Variants in GLB1 observed in about 807,000 individuals in gnomAD.
GLB1 encodes beta-galactosidase.
Under a neutral mutation model 74.0 loss-of-function variants are expected in GLB1, and 56 were observed. The observed-to-expected ratio is 0.76, with a 90% confidence interval of 0.61 to 0.94. The LOEUF (loss-of-function observed/expected upper bound fraction) is 0.94. Among genes scored for constraint, GLB1 ranks in the 40% least tolerant of loss-of-function variants. The pLI is 0.00. For synonymous variants in GLB1, 323 were observed against 323.6 expected, an observed-to-expected ratio of 1.00 and a Z score of 0.02; for missense variants, 787 against 845.5, an observed-to-expected ratio of 0.93 and a Z score of 0.86.
chr3:32,971,558 C>T, the GLB1 span, among the ~76,000 whole-genome samples: 1 of 152,228 alleles, frequency 6.6e-6, no homozygotes, highest in African/African-American at 2.4e-5. Flanking sequence ...GATAACTTCA[C>T]TTCGCCTAAC....
chr3:32,997,297 G>A lies in GLB1; in HGVS notation c.1782C>T (p.Ala594=). The A allele has an allele frequency of 6.2e-7, 1 of 1,614,100 alleles. No homozygotes were observed. The highest frequency in any genetic ancestry group is 8.5e-7 in the Non-Finnish European group (1 of 1,180,036). The change falls in exon 16 of 16, where the codon GCC becomes GCT. Residue 594 remains alanine, a synonymous_variant. Coordinates refer to ENST00000307363, the MANE Select transcript of GLB1 (RefSeq NM_000404.4). ...CAAACAAGGTCAACTGAGGGCCCCG[G>A]GCTGGCCAATAGCGGCCAAGGTTAA... The part of the protein sequence containing the change: ...NGFNLGRYWP[A]RGPQLTLFVP...
chr3:32,970,627 T>A, the GLB1 span, among the ~76,000 whole-genome samples: 1 of 152,144 alleles, frequency 6.6e-6, no homozygotes, highest in Non-Finnish European at 1.5e-5. Context: ...ATGTCTACTC[T>A]CACTGCTGTT....
chr3:33,059,244 TACACACACACAC>T lies in GLB1; in HGVS notation c.553-987_553-976del, dbSNP rs55785242. ...AATTATTCCTTATTTATATAAAACA[TACACACACACAC>T]ACACACACACACACACACACACACA... On this transcript the variant is annotated intron_variant, in intron 5 of 15. Transcript: ENST00000307363. Among the ~76,000 whole-genome samples, 619 of 144,456 alleles carry T rather than the reference TACACACACACAC, an allele frequency of 4.3e-3. 5 individuals carry two copies. The highest frequency in any genetic ancestry group is 0.019 in the East Asian group (97 of 5,082). 94.8% of individuals were successfully genotyped at this position (144,456 alleles called of 152,430 possible).
chr3:32,985,677 T>C, the GLB1 span, among the ~76,000 whole-genome samples: 8 of 152,056 alleles, frequency 5.3e-5, no homozygotes. Flanking sequence ...TCTTGATAAA[T>C]TGGAATTCTA....
chr3:33,034,292 A>C, intron 10 of GLB1: 1 of 720,152 alleles, frequency 1.4e-6, no homozygotes, highest in East Asian at 2.5e-5. Context: ...GGAAGTGAAA[A>C]AGATCAACAA....
intron 14 of GLB1, 134 bp from the exon 15 acceptor site, chr3:33,014,444 G>A: frequency 7.6e-7 from 1 of 1,316,610 alleles, no homozygotes; most frequent in Middle Eastern, 2.6e-4. Flanking sequence ...CGAAATATGT[G>A]TACATCGAAG....
At chr3:33,034,221 T>G in intron 10 of GLB1, 1 of 653,346 alleles carries the variant, frequency 1.5e-6, no homozygotes, top group Non-Finnish European at 2.8e-6. Context: ...GGCCTGATCC[T>G]GGCCTGTAGG....
the GLB1 span, among the ~76,000 whole-genome samples, chr3:32,990,325 C>G: frequency 6.6e-6 from 1 of 152,236 alleles, no homozygotes. Flanking sequence ...AGACTGGATT[C>G]AGCATGCTCA....
At chr3:33,021,763 T>A in intron 11 of GLB1, 108 bp from the exon 12 acceptor site, 1 of 1,192,196 alleles carries the variant, frequency 8.4e-7, no homozygotes. Context: ...ACCAAACCCC[T>A]AAATAAACCT....
At chr3:33,084,554 T>C (rs191502942) in intron 1 of GLB1, among the ~76,000 whole-genome samples, 216 of 152,270 alleles carry the variant, frequency 1.4e-3, no homozygotes, top group African/African-American at 5.1e-3. Flanking sequence ...AAAAACATTT[T>C]TGTTCAGCAT....
intron 12 of GLB1, 66 bp from the exon 13 acceptor site, chr3:33,018,627 C>T: frequency 6.5e-7 from 1 of 1,527,676 alleles, no homozygotes; most frequent in Non-Finnish European, 9.0e-7. Flanking sequence ...CTTGGTTACC[C>T]TAGACATGTA....
the GLB1 span, among the ~76,000 whole-genome samples, chr3:32,972,393 C>CATG: frequency 6.6e-6 from 1 of 152,140 alleles, no homozygotes; most frequent in Non-Finnish European, 1.5e-5. Context: ...TCATGGAAAT[C>CATG]ACAGCTAGAA....
At chr3:33,062,029 G>A (rs1699463099) in intron 5 of GLB1, among the ~76,000 whole-genome samples, 1 of 152,168 alleles carries the variant, frequency 6.6e-6, no homozygotes, top group South Asian at 2.1e-4. Flanking sequence ...TACCCTGGCT[G>A]CAAACACGTA....
chr3:33,054,750 T>C (rs1575455451), intron 6 of GLB1, among the ~76,000 whole-genome samples: 1 of 152,210 alleles, frequency 6.6e-6, no homozygotes, highest in Non-Finnish European at 1.5e-5. Flanking sequence ...TAGGGGTGTC[T>C]TGTCTTGCCT....
chr3:33,009,971 T>C (rs895126241), intron 15 of GLB1, among the ~76,000 whole-genome samples: 14 of 152,268 alleles, frequency 9.2e-5, no homozygotes, highest in African/African-American at 2.7e-4. Context: ...AGGAATCGTA[T>C]GGATATACAT....
rs57833238 is a variant in GLB1, at chr3:33,018,285, CAAAAAAAAAAAAAAAAAAAAAAAAAA to C, written c.1347+137_1347+162del. 5.1e-3 allele frequency among the ~76,000 whole-genome samples: 214 copies of C among 41,996 alleles called. 3 individuals carry two copies. Among genetic ancestry groups the C allele is most frequent in the Admixed American group, 0.012 (31 of 2,626 alleles). The allele number at this position is 41,996 out of a possible 152,430, so 27.6% of individuals were successfully genotyped here. On this transcript the variant is annotated intron_variant, in intron 13 of 15. Coordinates refer to ENST00000307363, the MANE Select transcript of GLB1 (RefSeq NM_000404.4). ...TGGGCAACAGAGCAAAACCCTGTCTCAAAAAAAAAAAAAAAAAAAAAAAAAAAAAAAAAAAAAAAGATGATGGGTAG... is the reference window on the plus strand; with the variant it reads ...TGGGCAACAGAGCAAAACCCTGTCTCAAAAAAAAAAAAAGATGATGGGTAG...
intron 1 of GLB1, among the ~76,000 whole-genome samples, chr3:33,087,799 CACT>C (rs1194435897): frequency 9.9e-5 from 15 of 152,096 alleles, no homozygotes; most frequent in African/African-American, 3.6e-4. Flanking sequence ...CAGACAAATA[CACT>C]ACAAGAAAAC....
In GLB1 at chr3:33,093,123, C is replaced by T. The variant is rs975015973; in HGVS notation, c.75+3888G>A. The T allele has an allele frequency of 7.4e-6, 12 of 1,614,074 alleles. No homozygotes were observed. The highest frequency in any genetic ancestry group is 1.3e-5 in the African/African-American group (1 of 74,940). On this transcript the variant is annotated intron_variant, in intron 1 of 15. Transcript: ENST00000307363. The surrounding 1 kb of genome is among the most constrained non-coding windows in gnomAD (Gnocchi z 6.0). ...CAAGATGATTGTGTGGTCTGGGCTG[C>T]AGCCCTCCAGGGCCTTGTCAAGATC...
intron 11 of GLB1, among the ~76,000 whole-genome samples, chr3:33,022,716 T>C (rs1229299616): frequency 1.3e-5 from 2 of 151,830 alleles, no homozygotes; most frequent in African/African-American, 4.8e-5. Flanking sequence ...TGTGTCACCA[T>C]GCCTGGCTAA....
Sources: gnomAD v4.1 joint callset for allele counts (sites outside exome capture counted in the v4.1 genomes callset) on GRCh38, gnomAD v4.1.1 for gene constraint, Gnocchi (gnomAD v3.1) non-coding constraint, MANE v1.5 for transcripts, NCBI Gene and HGNC (gene_info 2026-07-23, HGNC 2026-07-21) for gene names.